Variants in CACNA1B observed in about 807,000 individuals in gnomAD.
CACNA1B encodes calcium voltage-gated channel subunit alpha1 B.
CACNA1B carries 70 observed loss-of-function variants against 247.2 expected under a neutral mutation model. The observed-to-expected ratio is 0.28, with a 90% CI of 0.23 to 0.35. The LOEUF (loss-of-function observed/expected upper bound fraction) is 0.35, where lower values mean the gene tolerates loss of function less well. Among genes scored for constraint, CACNA1B ranks in the 10% least tolerant of loss-of-function variants. CACNA1B has a pLI of 1.00. For synonymous variants in CACNA1B, 1,231 were observed against 1,294.4 expected (o/e 0.95, Z 1.05); for missense variants, 2,367 against 3,197.4 (o/e 0.74, Z 6.26).
chr9:137,924,408 T>C (rs1414866642), intron 6 of CACNA1B, among the ~76,000 whole-genome samples: 1 of 148,818 alleles, frequency 6.7e-6, no homozygotes, highest in African/African-American at 2.5e-5. Flanking sequence ...TTCCTTCCTG[T>C]AGCTCCAACA....
At chr9:137,905,061 A>G (rs1386335345) in intron 3 of CACNA1B, among the ~76,000 whole-genome samples, 2 of 152,208 alleles carry the variant, frequency 1.3e-5, no homozygotes, top group African/African-American at 4.8e-5. Flanking sequence ...TGGGTTTTTA[A>G]AAGCTTTTAG....
chr9:137,910,410 T>G lies in CACNA1B; in HGVS notation c.531-2770T>G, dbSNP rs1751362782. On this transcript the variant is annotated intron_variant, in intron 3 of 46. Coordinates refer to ENST00000371372, the MANE Select transcript of CACNA1B (RefSeq NM_000718.4). ...TTTATGACACCAGGCACTGGGCTCA[T>G]GGAAGACAATTTTTCCACAGACCAG... 2.0e-5 allele frequency among the ~76,000 whole-genome samples: 3 copies of G among 152,212 alleles called. No homozygotes were observed. In the South Asian group the frequency reaches 6.2e-4, roughly 32 times the overall value.
chr9:138,000,345 G>A (rs377007703), intron 15 of CACNA1B, among the ~76,000 whole-genome samples: 553 of 152,040 alleles, frequency 3.6e-3, no homozygotes, highest in Non-Finnish European at 4.8e-3. Context: ...TGATCAGCCC[G>A]CCTTGGCCTC....
chr9:137,882,648 C>A lies in CACNA1B; in HGVS notation c.391-96C>A. On this transcript the variant is annotated intron_variant, in intron 2 of 46. Coordinates refer to ENST00000371372, the MANE Select transcript of CACNA1B (RefSeq NM_000718.4). The surrounding 1 kb of genome is among the most constrained non-coding windows in gnomAD (Gnocchi z 4.0). Reference sequence around the variant, plus strand: ...GGTCAGACCCTCACGATAGCTGTGGCCTGCACATGGTGGGGTGGGGTCCTC... The same window carrying A: ...GGTCAGACCCTCACGATAGCTGTGGACTGCACATGGTGGGGTGGGGTCCTC... 7.1e-7 allele frequency: 1 copy of A among 1,408,608 alleles called. No individual in the cohort carries two copies. The highest frequency in any genetic ancestry group is 9.9e-7 in the Non-Finnish European group (1 of 1,008,212). 87.3% of individuals were successfully genotyped at this position (1,408,608 alleles called of 1,614,324 possible). A position where few individuals can be genotyped will look rare whatever the true frequency, so the allele number is the denominator to read the frequency against.
At chr9:138,031,223 A>G (rs1415111285) in intron 20 of CACNA1B, among the ~76,000 whole-genome samples, 1 of 152,030 alleles carries the variant, frequency 6.6e-6, no homozygotes, top group Non-Finnish European at 1.5e-5. Context: ...ACAGGTTTTC[A>G]TATTGTATAT....
Position 138,008,246 on chromosome 9 carries a change from T to G in CACNA1B, c.2092+1362T>G, listed in dbSNP as rs533294214. On this transcript the variant is annotated intron_variant, in intron 16 of 46. Transcript: ENST00000371372. ...CAGGACAGCGGTGTCCAGAAGGAGG[T>G]GCCTCTGCCTCAAGACAGAGCAGTG... is the stretch of plus-strand genomic sequence containing the variant. 1.6e-4 allele frequency among the ~76,000 whole-genome samples: 24 copies of G among 152,134 alleles called. No individual in the cohort carries two copies. In the East Asian group the frequency reaches 4.7e-3, roughly 29 times the overall value.
chr9:137,894,956 C>T lies in CACNA1B; in HGVS notation c.530+12073C>T, dbSNP rs868625309. On this transcript the variant is annotated intron_variant, in intron 3 of 46. Coordinates refer to ENST00000371372, the MANE Select transcript of CACNA1B (RefSeq NM_000718.4). ...TGCGAACTCTTTGCCAGCCCTAGAG[C>T]GTGAAGATTTTTCCCGTGATTCTCT... Among the ~76,000 whole-genome samples, 6 of 152,226 alleles carry T rather than the reference C, an allele frequency of 3.9e-5. No individual in the cohort carries two copies. In the South Asian group the frequency reaches 1.0e-3, roughly 26 times the overall value.
rs1361067228 is a variant in CACNA1B at position 138,100,581 on chromosome 9, G to C, written c.5223-2130G>C. 6.6e-6 allele frequency among the ~76,000 whole-genome samples: 1 copy of C among 152,210 alleles called. No homozygotes were observed. Among genetic ancestry groups the C allele is most frequent in the Non-Finnish European group, 1.5e-5 (1 of 68,038 alleles). ...GGACCGAGGGGGCTACACTGTAGGA[G>C]AGAGGAGCATTGGTGGTGATCCAAG... On this transcript the variant is annotated intron_variant, in intron 37 of 46. Coordinates refer to ENST00000371372, the MANE Select transcript of CACNA1B (RefSeq NM_000718.4). The surrounding 1 kb of genome is among the most constrained non-coding windows in gnomAD (Gnocchi z 4.6).
chr9:138,082,549 A>T (rs938369740), intron 36 of CACNA1B, among the ~76,000 whole-genome samples: 1 of 151,388 alleles, frequency 6.6e-6, no homozygotes, highest in Admixed American at 6.6e-5. Flanking sequence ...GCGTGATAAT[A>T]GGTTACAAAG....
intron 3 of CACNA1B, among the ~76,000 whole-genome samples, chr9:137,885,477 T>G (rs1326689677): frequency 4.0e-5 from 6 of 149,140 alleles, no homozygotes; most frequent in Admixed American, 6.7e-5. Context: ...TAGAGTTGAT[T>G]TAATTGGTGC....
rs1957056963 is a variant in CACNA1B at position 137,888,981 on chromosome 9, ACGCTGCCTTCCCG to A, written c.530+6100_530+6112del. 8.7e-5 allele frequency among the ~76,000 whole-genome samples: 13 copies of A among 148,922 alleles called. No homozygotes were observed. Among genetic ancestry groups the A allele is most frequent in the African/African-American group, 2.9e-4 (12 of 40,790 alleles). On this transcript the variant is annotated intron_variant, in intron 3 of 46. Transcript: ENST00000371372. The surrounding 1 kb of genome is among the most constrained non-coding windows in gnomAD (Gnocchi z 4.7). ...TCTGAAAACAGGTGACAGCCCAGAG[ACGCTGCCTTCCCG>A]CAAGGCGACCTGACGCTGTGTCTGA...
At chr9:138,035,412 G>A (rs1196967193) in intron 20 of CACNA1B, among the ~76,000 whole-genome samples, 1 of 152,164 alleles carries the variant, frequency 6.6e-6, no homozygotes, top group Non-Finnish European at 1.5e-5. Flanking sequence ...TGAGCCGTGA[G>A]CTGTGATCGT....
chr9:137,970,667 G>A (rs1434301984), intron 10 of CACNA1B, among the ~76,000 whole-genome samples: 1 of 152,178 alleles, frequency 6.6e-6, no homozygotes, highest in Non-Finnish European at 1.5e-5. Context: ...AGACTTGAAA[G>A]TGTGTGGGAA....
At position 138,122,112 on chromosome 9, in the gene CACNA1B, G is replaced by A. The variant is rs1461208444; in HGVS notation, c.*113G>A. ...CGGGGGAGGCCTTGCCCACCTTGGTGAGGCTCCTGTGGCCCCTCCCTCCCC... is the reference window on the plus strand; with the variant it reads ...CGGGGGAGGCCTTGCCCACCTTGGTAAGGCTCCTGTGGCCCCTCCCTCCCC... On this transcript the variant is annotated 3_prime_UTR_variant, in exon 47 of 47. Transcript: ENST00000371372. 1.0e-6 allele frequency: 1 copy of A among 962,982 alleles called. No homozygotes were observed. Among genetic ancestry groups the A allele is most frequent in the East Asian group, 2.6e-5 (1 of 37,918 alleles). The allele number at this position is 962,982 out of a possible 1,614,324, so 59.7% of individuals were successfully genotyped here.
chr9:138,033,744 A>AG (rs1356497111), intron 20 of CACNA1B, among the ~76,000 whole-genome samples: 1 of 152,180 alleles, frequency 6.6e-6, no homozygotes, highest in Non-Finnish European at 1.5e-5. Flanking sequence ...GGACAGAGTG[A>AG]GCGCAAGACA....
chr9:137,986,970 T>C lies in CACNA1B; in HGVS notation c.1974+116T>C, dbSNP rs1459958997. 1 of 830,766 alleles carries C rather than the reference T, an allele frequency of 1.2e-6. No individual in the cohort carries two copies. The allele number at this position is 830,766 out of a possible 1,614,324, so 51.5% of individuals were successfully genotyped here. A position where few individuals can be genotyped will look rare whatever the true frequency, so the allele number is the denominator to read the frequency against. ...TGTTCCTCCACACGGCCCAGATCAC[T>C]GACTTTTCAGACACAGTGTTCCTCA... On this transcript the variant is annotated intron_variant, in intron 15 of 46. Coordinates refer to ENST00000371372, the MANE Select transcript of CACNA1B (RefSeq NM_000718.4). The surrounding 1 kb of genome is among the most constrained non-coding windows in gnomAD (Gnocchi z 6.0).
At position 138,075,995 on chromosome 9, in the gene CACNA1B, C is replaced by T. The variant is rs185212738; in HGVS notation, c.4949+85C>T. On this transcript the variant is annotated intron_variant, in intron 35 of 46. Transcript: ENST00000371372. ...AGGATGAAGAAGGCTGGGTGTCAAC[C>T]GTGGAGACCACCCACTTCTAATTCC... is the stretch of plus-strand genomic sequence containing the variant. 5.8e-3 allele frequency: 5,107 copies of T among 873,478 alleles called. 25 individuals carry two copies. Among genetic ancestry groups the T allele is most frequent in the Non-Finnish European group, 6.9e-3 (3,686 of 532,436 alleles). 54.1% of individuals were successfully genotyped at this position (873,478 alleles called of 1,614,324 possible).
intron 18 of CACNA1B, among the ~76,000 whole-genome samples, chr9:138,016,357 G>A (rs78950305): frequency 0.033 from 4,980 of 152,376 alleles, 135 homozygotes; most frequent in Non-Finnish European, 0.048. Context: ...TGGCTGTAAA[G>A]GGAGCTTTGG....
At position 138,102,596 on chromosome 9, in the gene CACNA1B, T is replaced by G. The variant is rs906230399; in HGVS notation, c.5223-115T>G. The G allele has an allele frequency of 3.4e-5, 19 of 550,978 alleles. No homozygotes were observed. Among genetic ancestry groups the G allele is most frequent in the African/African-American group, 2.9e-4 (15 of 51,790 alleles). The allele number at this position is 550,978 out of a possible 1,614,324, so 34.1% of individuals were successfully genotyped here. ...GACACTTTGATTAACTGGCTCTGTT[T>G]TCTTGTCTGCTTCCTCCCTGCCCCT... On this transcript the variant is annotated intron_variant, in intron 37 of 46. Transcript: ENST00000371372. The surrounding 1 kb of genome is among the most constrained non-coding windows in gnomAD (Gnocchi z 5.4).
Sources: allele counts gnomAD v4.1 joint callset (sites outside exome capture counted in the v4.1 genomes callset), GRCh38; gene constraint gnomAD v4.1.1; non-coding constraint Gnocchi (gnomAD v3.1); transcripts MANE v1.5; gene names NCBI Gene and HGNC (gene_info 2026-07-23, HGNC 2026-07-21).